The following OSBPL8 variants were observed in gnomAD, a reference collection of about 807,000 sequenced individuals.
OSBPL8 encodes the protein oxysterol binding protein like 8.
OSBPL8 carries 59 observed loss-of-function variants against 125.5 expected under a neutral mutation model. The observed-to-expected ratio is 0.47, with a 90% confidence interval of 0.38 to 0.58. The LOEUF (loss-of-function observed/expected upper bound fraction) is 0.58, where lower values mean the gene tolerates loss of function less well. OSBPL8 is among the 20% of genes least tolerant of loss of function. The pLI, the probability that OSBPL8 is intolerant of heterozygous loss-of-function variation, is 0.00. For missense variants in OSBPL8, 758 were observed against 1,047.8 expected, an observed-to-expected ratio of 0.72 and a Z score of 3.82; for synonymous variants, 330 against 338.9, an observed-to-expected ratio of 0.97 and a Z score of 0.29.
At chr12:76,438,327 G>C (rs1211185501) in intron 4 of OSBPL8, among the ~76,000 whole-genome samples, 4 of 148,790 alleles carry the variant, frequency 2.7e-5, no homozygotes, top group African/African-American at 1.0e-4. Context: ...TTTTGAGGCA[G>C]GGTCTCACTC....
At chr12:76,384,449 C>A in intron 14 of OSBPL8, 99 bp from the exon 15 acceptor site, 1 of 639,956 alleles carries the variant, frequency 1.6e-6, no homozygotes, top group South Asian at 4.8e-5. Context: ...ATCAAAAGTT[C>A]AAGTCTTATA....
chr12:76,396,420 C>T (rs546177786), intron 8 of OSBPL8, among the ~76,000 whole-genome samples: 9 of 152,232 alleles, frequency 5.9e-5, no homozygotes, highest in African/African-American at 1.2e-4. Context: ...CTTTATTCTA[C>T]GATAGCTGGC....
At chr12:76,387,033 T>C (rs1256538132) in intron 12 of OSBPL8, among the ~76,000 whole-genome samples, 1 of 152,208 alleles carries the variant, frequency 6.6e-6, no homozygotes, top group Non-Finnish European at 1.5e-5. Context: ...CACTGTGTGA[T>C]TTCTAGCATT....
intron 1 of OSBPL8, among the ~76,000 whole-genome samples, chr12:76,550,546 G>C (rs1177935706): frequency 1.3e-5 from 2 of 152,008 alleles, no homozygotes; most frequent in Non-Finnish European, 2.9e-5. Context: ...AATTGTCTTG[G>C]GCCACCCATA....
chr12:76,556,656 G>A (rs1041265310), intron 1 of OSBPL8, among the ~76,000 whole-genome samples: 1 of 152,020 alleles, frequency 6.6e-6, no homozygotes, highest in Non-Finnish European at 1.5e-5. Flanking sequence ...ATTTCTCAGA[G>A]GCTTTTTGTT....
In OSBPL8 at chr12:76,389,746, G is replaced by T; in HGVS notation, c.1251C>A (p.Gly417=). ...GCAGAACCACCTTGGATAGGTCCAT[G>T]CCAGGACGGACTTGTTTCAATAGTG... is the stretch of plus-strand genomic sequence containing the variant. ...IWTLLKQVRP[G]MDLSKVVLPT... The change falls in exon 12 of 24, where the codon GGC becomes GGA. Residue 417 remains glycine (G), a synonymous_variant. Coordinates refer to ENST00000261183, the MANE Select transcript of OSBPL8 (RefSeq NM_020841.5). 6.2e-7 allele frequency: 1 copy of T among 1,606,992 alleles called. No individual in the cohort carries two copies. Among genetic ancestry groups the T allele is most frequent in the Non-Finnish European group, 8.5e-7 (1 of 1,175,688 alleles).
At chr12:76,505,430 T>C (rs532717859) in intron 1 of OSBPL8, among the ~76,000 whole-genome samples, 1 of 152,306 alleles carries the variant, frequency 6.6e-6, no homozygotes, top group Non-Finnish European at 1.5e-5. Context: ...TCTTTTTGCT[T>C]GAAGTACCTG....
chr12:76,475,764 A>G (rs2136948098), intron 2 of OSBPL8, among the ~76,000 whole-genome samples: 1 of 152,274 alleles, frequency 6.6e-6, no homozygotes, highest in South Asian at 2.1e-4. Flanking sequence ...AGGAGAAGGG[A>G]ACAGGAGGAA....
chr12:76,425,064 G>T (rs1279002825), intron 4 of OSBPL8, among the ~76,000 whole-genome samples: 1 of 152,134 alleles, frequency 6.6e-6, no homozygotes, highest in African/African-American at 2.4e-5. Context: ...TCTGGATCAT[G>T]AATCAGATAG....
chr12:76,373,231 T>G (rs1454104058), intron 18 of OSBPL8, 113 bp downstream of exon 18: 1 of 608,728 alleles, frequency 1.6e-6, no homozygotes, highest in Non-Finnish European at 2.7e-6. Context: ...AGATGAAGCT[T>G]ATGTTAAATA....
intron 2 of OSBPL8, among the ~76,000 whole-genome samples, chr12:76,464,063 AAG>A (rs1210066652): frequency 1.3e-5 from 2 of 152,256 alleles, no homozygotes; most frequent in African/African-American, 2.4e-5. Flanking sequence ...GTTTTTGTTA[AAG>A]AACCTAAATA....
chr12:76,465,155 A>C (rs989822201), intron 2 of OSBPL8, among the ~76,000 whole-genome samples: 2 of 152,186 alleles, frequency 1.3e-5, no homozygotes, highest in African/African-American at 4.8e-5. Flanking sequence ...CTGTTGGATA[A>C]AGAATATTAT....
At chr12:76,400,814 A>T (rs1592608169) in intron 6 of OSBPL8, among the ~76,000 whole-genome samples, 1 of 144,616 alleles carries the variant, frequency 6.9e-6, no homozygotes, top group East Asian at 2.0e-4. Context: ...TTTTTGAGAC[A>T]GTCTCATTCT....
At position 76,426,463 on chromosome 12, in the gene OSBPL8, A is replaced by G. The variant is rs540487189; in HGVS notation, c.218-15829T>C. On this transcript the variant is annotated intron_variant, in intron 4 of 23. Coordinates refer to ENST00000261183, the MANE Select transcript of OSBPL8 (RefSeq NM_020841.5). The stretch of plus-strand genomic sequence containing the variant: ...ATAACCATAAATTGTCTAGATATGC[A>G]TACATGATGGTAACATTACCAGAAA... 2.0e-5 allele frequency among the ~76,000 whole-genome samples: 3 copies of G among 152,316 alleles called. No homozygotes were observed. The East Asian group carries it at 5.8e-4, about 29-fold the overall frequency.
At chr12:76,495,395 A>C (rs1879170866) in intron 1 of OSBPL8, among the ~76,000 whole-genome samples, 1 of 152,236 alleles carries the variant, frequency 6.6e-6, no homozygotes, top group Non-Finnish European at 1.5e-5. Context: ...CCAATAAAAG[A>C]GGTCTAGCAA....
intron 1 of OSBPL8, among the ~76,000 whole-genome samples, chr12:76,538,328 A>T (rs1279865490): frequency 1.3e-5 from 2 of 152,238 alleles, no homozygotes; most frequent in Non-Finnish European, 2.9e-5. Flanking sequence ...CTAACTATAT[A>T]TTCACTAAAA....
intron 2 of OSBPL8, among the ~76,000 whole-genome samples, chr12:76,479,412 G>A (rs1877201469): frequency 1.3e-5 from 2 of 152,114 alleles, no homozygotes; most frequent in Admixed American, 1.3e-4. Flanking sequence ...TGATTGGTTT[G>A]CTTGCTCAAA....
At chr12:76,501,102 C>G (rs991310564) in intron 1 of OSBPL8, among the ~76,000 whole-genome samples, 1 of 152,138 alleles carries the variant, frequency 6.6e-6, no homozygotes, top group African/African-American at 2.4e-5. Context: ...TTTACACACA[C>G]ACACACACAC....
At chr12:76,480,339 A>G (rs1302859593) in intron 2 of OSBPL8, among the ~76,000 whole-genome samples, 2 of 152,184 alleles carry the variant, frequency 1.3e-5, no homozygotes, top group African/African-American at 2.4e-5. Context: ...TATGAATACA[A>G]TGATTTATCT....
Sources: gnomAD v4.1 joint callset for allele counts (sites outside exome capture counted in the v4.1 genomes callset) on GRCh38, gnomAD v4.1.1 for gene constraint, MANE v1.5 for transcripts, NCBI Gene and HGNC (gene_info 2026-07-23, HGNC 2026-07-21) for gene names.